DIS3: variants seen among roughly 807,000 people sequenced by gnomAD.
DIS3 encodes the protein DIS3 exosome endoribonuclease and 3'-5' exoribonuclease.
DIS3 carries 103 observed loss-of-function variants against 113.0 expected under a neutral mutation model. The ratio of observed to expected loss-of-function variants is 0.91; its 90% CI spans 0.78 to 1.07. The LOEUF (loss-of-function observed/expected upper bound fraction) is 1.07, where lower values mean the gene tolerates loss of function less well. Ranked by LOEUF, DIS3 falls within the 50% of genes least tolerant of loss-of-function variation. The pLI is 0.00. For synonymous variants in DIS3, 402 were observed against 394.3 expected, an observed-to-expected ratio of 1.02 and a Z score of -0.23; for missense variants, 1,121 against 1,167.1, an observed-to-expected ratio of 0.96 and a Z score of 0.58.
rs1422398724 is a variant in DIS3, at chr13:72,758,297, G to A, written c.*1498C>T. On this transcript the variant is annotated 3_prime_UTR_variant, in exon 21 of 21. Transcript: ENST00000377767. ...ATCTAGGTTTGTGTAACTACATCATGATTTTCACACAATGATGAAATTGCC... is the reference window on the plus strand; with the variant it reads ...ATCTAGGTTTGTGTAACTACATCATAATTTTCACACAATGATGAAATTGCC... The A allele has an allele frequency of 5.5e-6, 1 of 181,852 alleles. No individual in the cohort carries two copies. Among genetic ancestry groups the A allele is most frequent in the Non-Finnish European group, 1.2e-5 (1 of 85,302 alleles). The allele number at this position is 181,852 out of a possible 1,614,324, so 11.3% of individuals were successfully genotyped here.
intron 11 of DIS3, 55 bp from the exon 12 acceptor site, chr13:72,771,200 G>A (rs2033879005): frequency 7.2e-7 from 1 of 1,381,826 alleles, no homozygotes; most frequent in Non-Finnish European, 1.0e-6. Flanking sequence ...ATACATTTAT[G>A]TGAGGTTCTA....
chr13:72,760,793 C>T lies in DIS3; in HGVS notation c.2671-142G>A, dbSNP rs896049653. ...TACGTGTTCAACATAACAAAGGCCA[C>T]AAACCTAGTAGTCTCATATAAATAT... On this transcript the variant is annotated intron_variant, in intron 19 of 20. Coordinates refer to ENST00000377767, the MANE Select transcript of DIS3 (RefSeq NM_014953.5). The T allele has an allele frequency of 4.3e-6, 4 of 938,996 alleles. No individual in the cohort carries two copies. In the African/African-American group the frequency reaches 6.7e-5, roughly 16 times the overall value. 58.2% of individuals were successfully genotyped at this position (938,996 alleles called of 1,614,324 possible). A position where few individuals can be genotyped will look rare whatever the true frequency, so the allele number is the denominator to read the frequency against.
In DIS3 at chr13:72,775,953, A is replaced by G; in HGVS notation, c.794T>C (p.Ile265Thr). Residue 265 changes from isoleucine to threonine, a missense_variant, in exon 5 of 21, where the codon ATT (isoleucine) becomes ACT (threonine). Transcript: ENST00000377767. ...TTTATTTTCTTCATTGTCGCCATGA[A>G]TCCATACTGTAGCTTCCAAGTAATT... Reference protein sequence around the residue: ...RENYLEATVWIHGDNEENKEI... With the variant: ...RENYLEATVWTHGDNEENKEI... 1 of 1,609,414 alleles carries G rather than the reference A, an allele frequency of 6.2e-7. No homozygotes were observed. The highest frequency in any genetic ancestry group is 1.3e-5 in the African/African-American group (1 of 74,832).
At chr13:72,776,149 A>C in intron 4 of DIS3, 57 bp from the exon 5 acceptor site, 1 of 1,482,428 alleles carries the variant, frequency 6.7e-7, no homozygotes, top group South Asian at 1.3e-5. Flanking sequence ...CACTCAATAC[A>C]CAACTATTAT....
At chr13:72,772,006 T>A (rs974248632) in intron 10 of DIS3, 110 bp from the exon 11 acceptor site, 1 of 1,314,970 alleles carries the variant, frequency 7.6e-7, no homozygotes, top group East Asian at 2.3e-5. Context: ...CTCAGTCACC[T>A]CTACCATTTC....
rs1225702931 is a variant in DIS3 at position 72,771,006 on chromosome 13, G to A, written c.1671-18C>T. Reference sequence around the variant, plus strand: ...ATGCCAGCCTGTGAAGGAAAATACAGAGTATTTGTTAATGGGAATCAGGTT... The same window carrying A: ...ATGCCAGCCTGTGAAGGAAAATACAAAGTATTTGTTAATGGGAATCAGGTT... On this transcript the variant is annotated intron_variant, in intron 12 of 20. Transcript: ENST00000377767. The A allele has an allele frequency of 1.9e-6, 3 of 1,605,896 alleles. No homozygotes were observed. The highest frequency in any genetic ancestry group is 4.5e-5 in the East Asian group (2 of 44,690).
chr13:72,773,634 AC>A, intron 8 of DIS3, 49 bp downstream of exon 8: 1 of 1,562,462 alleles, frequency 6.4e-7, no homozygotes, highest in Non-Finnish European at 8.7e-7. Context: ...AATACTATTC[AC>A]AAAATTTTAA....
chr13:72,759,511 TTTAAATGATC>T lies in DIS3; in HGVS notation c.*274_*283del. 1 of 281,626 alleles carries T rather than the reference TTTAAATGATC, an allele frequency of 3.6e-6. No homozygotes were observed. The allele number at this position is 281,626 out of a possible 1,614,324, so 17.4% of individuals were successfully genotyped here. ...GCTCCTCAATGAGATGAGCACTCCA[TTTAAATGATC>T]TTTACAGATCCCTGAAGTTGCTGTC... On this transcript the variant is annotated 3_prime_UTR_variant, in exon 21 of 21. Transcript: ENST00000377767.
chr13:72,772,630 A>G, intron 9 of DIS3, 63 bp downstream of exon 9: 2 of 1,519,322 alleles, frequency 1.3e-6, no homozygotes, highest in Non-Finnish European at 1.8e-6. Context: ...ACATATAGAA[A>G]TTAAACAAAA....
At position 72,775,250 on chromosome 13, in the gene DIS3, A is replaced by C; in HGVS notation, c.948T>G (p.Asn316Lys). The change falls in exon 6 of 21, where the codon AAT becomes AAG. Residue 316 changes from asparagine (N) to lysine (K), a missense_variant. Asn to Lys is a moderately conservative substitution (Grantham distance 94). Coordinates refer to ENST00000377767, the MANE Select transcript of DIS3 (RefSeq NM_014953.5). ...SSVVLHDEGQ[N>K]EEDVEKEEET... ...CTTCTTCTTTCTCCACATCTTCTTC[A>C]TTTTGACCTTCATCATGTAAAACCA... 6.2e-7 allele frequency: 1 copy of C among 1,613,466 alleles called. No individual in the cohort carries two copies. The highest frequency in any genetic ancestry group is 8.5e-7 in the Non-Finnish European group (1 of 1,179,674).
Position 72,771,583 on chromosome 13 carries a change from C to CT in DIS3, c.1605+211dup, listed in dbSNP as rs528242293. On this transcript the variant is annotated intron_variant, in intron 11 of 20. Transcript: ENST00000377767. ...ATGGAAAAAAGTATACAGAAGAACT[C>CT]TGACAATAAATCACTAATAGACTAA... Among the ~76,000 whole-genome samples the CT allele has an allele frequency of 3.8e-4, 58 of 151,488 alleles. 1 individual carries two copies. In the South Asian group the frequency reaches 0.012, roughly 32 times the overall value.
intron 2 of DIS3, among the ~76,000 whole-genome samples, chr13:72,780,055 C>A (rs111935560): frequency 0.019 from 2,865 of 151,976 alleles, 107 homozygotes; most frequent in African/African-American, 0.064. Flanking sequence ...TGGCCAGGCA[C>A]GGTAGCTCAT....
intron 7 of DIS3, 41 bp from the exon 8 acceptor site, chr13:72,773,862 C>G (rs751112966): frequency 5.0e-6 from 8 of 1,596,724 alleles, no homozygotes; most frequent in African/African-American, 1.4e-5. Context: ...CAAAAAAAAT[C>G]TGAGGATGGA....
At chr13:72,760,002 G>C in intron 20 of DIS3, 124 bp from the exon 21 acceptor site, 2 of 756,014 alleles carry the variant, frequency 2.6e-6, no homozygotes, top group East Asian at 5.0e-5. Flanking sequence ...GAGGGGAAAG[G>C]GGGCTAATTA....
chr13:72,776,427 C>T (rs560203788), intron 4 of DIS3, among the ~76,000 whole-genome samples: 1 of 151,894 alleles, frequency 6.6e-6, no homozygotes, highest in African/African-American at 2.4e-5. Flanking sequence ...CATATTAGGG[C>T]AATACTAAAT....
At chr13:72,763,970 C>A (rs1288396289) in intron 15 of DIS3, among the ~76,000 whole-genome samples, 1 of 152,062 alleles carries the variant, frequency 6.6e-6, no homozygotes, top group South Asian at 2.1e-4. Flanking sequence ...GCCAACATGA[C>A]GAAACCCTGA....
chr13:72,765,566 T>C (rs894229002), intron 15 of DIS3, among the ~76,000 whole-genome samples: 1 of 152,098 alleles, frequency 6.6e-6, no homozygotes, highest in African/African-American at 2.4e-5. Flanking sequence ...GGCGCTCCAA[T>C]GGGAATCTAA....
chr13:72,763,312 A>G (rs1042164246), intron 16 of DIS3, 139 bp downstream of exon 16: 26 of 1,139,004 alleles, frequency 2.3e-5, no homozygotes, highest in Middle Eastern at 3.0e-4. Flanking sequence ...CAAAAAAAAA[A>G]CCAAAAGAAA....
intron 15 of DIS3, among the ~76,000 whole-genome samples, chr13:72,765,095 T>C (rs1458141477): frequency 6.6e-6 from 1 of 152,124 alleles, no homozygotes; most frequent in Non-Finnish European, 1.5e-5. Context: ...TTAATGTAAA[T>C]AAGAGGCAGG....
Sources: allele counts gnomAD v4.1 joint callset (sites outside exome capture counted in the v4.1 genomes callset), GRCh38; gene constraint gnomAD v4.1.1; transcripts MANE v1.5; gene names NCBI Gene and HGNC (gene_info 2026-07-23, HGNC 2026-07-21).